Variants in PSG11 observed in about 807,000 individuals in gnomAD.
PSG11 encodes the protein pregnancy specific beta-1-glycoprotein 11.
A neutral mutation model predicts 36.0 loss-of-function variants in PSG11; 42 were observed. The observed-to-expected ratio is 1.17, with a 90% confidence interval of 0.91 to 1.51. The LOEUF (loss-of-function observed/expected upper bound fraction) is 1.51, where lower values mean the gene tolerates loss of function less well. PSG11 is among the 40% of genes most tolerant of loss of function. The pLI is 0.00. For missense variants in PSG11, 558 were observed against 403.5 expected (o/e 1.38, Z -3.28); for synonymous variants, 206 against 153.5 (o/e 1.34, Z -2.53).
chr19:43,021,066 A>G (rs1967090283), intron 2 of PSG11, among the ~76,000 whole-genome samples: 1 of 151,292 alleles, frequency 6.6e-6, no homozygotes, highest in Admixed American at 6.6e-5. Flanking sequence ...ATCAGATAGC[A>G]CCCACCTGGC....
In PSG11 at chr19:43,011,019, A is replaced by T. The variant is rs1354213555; in HGVS notation, c.965-978T>A. Among the ~76,000 whole-genome samples the T allele has an allele frequency of 2.0e-5, 3 of 150,850 alleles. 1 individual carries two copies. The highest frequency in any genetic ancestry group is 4.4e-5 in the Non-Finnish European group (3 of 67,816). ...TCCACACAATAACCCTGTGAGGTAG[A>T]CATTATTTCCATTTTGCCAATGAAA... On this transcript the variant is annotated intron_variant, in intron 4 of 5. Transcript: ENST00000320078.
chr19:43,023,450 G>A lies in PSG11; in HGVS notation c.430+1241C>T, dbSNP rs1029101604. Among the ~76,000 whole-genome samples, 8 of 151,078 alleles carry A rather than the reference G, an allele frequency of 5.3e-5. 1 individual carries two copies. The highest frequency in any genetic ancestry group is 2.1e-4 in the South Asian group (1 of 4,738). The stretch of plus-strand genomic sequence containing the variant: ...ACATGGACACTTTGGGAAACACAGA[G>A]TTTCAGGTTCAGTGATGGGGGTTAA... On this transcript the variant is annotated intron_variant, in intron 2 of 5. Coordinates refer to ENST00000320078, the MANE Select transcript of PSG11 (RefSeq NM_002785.3).
chr19:43,012,412 A>G (rs1401525855), intron 4 of PSG11, among the ~76,000 whole-genome samples: 1 of 151,486 alleles, frequency 6.6e-6, no homozygotes, highest in African/African-American at 2.4e-5. Context: ...GGTGGAACAA[A>G]CTTATTAGAA....
intron 2 of PSG11, among the ~76,000 whole-genome samples, chr19:43,024,245 C>T (rs528833793): frequency 1.3e-5 from 2 of 151,498 alleles, no homozygotes; most frequent in African/African-American, 2.4e-5. Context: ...CACAACCCAG[C>T]CCTGGAACAG....
chr19:43,019,010 T>G lies in PSG11; in HGVS notation c.469A>C (p.Asn157His). 6.2e-7 allele frequency: 1 copy of G among 1,611,944 alleles called. No individual in the cohort carries two copies. The highest frequency in any genetic ancestry group is 8.5e-7 in the Non-Finnish European group (1 of 1,179,080). Reference sequence around the variant, plus strand: ...ACAGTCTCCATGGCCTCCCTGGGGTTTAAGTTGCTGCTGGAGATGGAGGGC... The same window carrying G: ...ACAGTCTCCATGGCCTCCCTGGGGTGTAAGTTGCTGCTGGAGATGGAGGGC... Reference protein sequence around the residue: ...PKPSISSSNLNPREAMETVIL... With the variant: ...PKPSISSSNLHPREAMETVIL... Residue 157 changes from asparagine (N) to histidine (H), a missense_variant, in exon 3 of 6, where the codon AAC becomes CAC. Coordinates refer to ENST00000320078, the MANE Select transcript of PSG11 (RefSeq NM_002785.3).
At chr19:43,019,827 G>A (rs1410740266) in intron 2 of PSG11, 1 of 151,552 alleles carries the variant, frequency 6.6e-6, no homozygotes, top group African/African-American at 2.4e-5. Flanking sequence ...AGGACCATGT[G>A]GATCTTTCTG....
In PSG11 at chr19:43,012,468, C is replaced by T. The variant is rs185115227; in HGVS notation, c.965-2427G>A. ...TGTTGCACAATACAAAATCAACATT[C>T]AAACATCAGTTGTATTTCAATACAC... On this transcript the variant is annotated intron_variant, in intron 4 of 5. Transcript: ENST00000320078. 2.4e-3 allele frequency among the ~76,000 whole-genome samples: 366 copies of T among 151,346 alleles called. 3 individuals are homozygous for T. The highest frequency in any genetic ancestry group is 8.8e-3 in the African/African-American group (361 of 41,114).
chr19:43,017,292 A>G (rs892905409), intron 3 of PSG11: 1 of 151,588 alleles, frequency 6.6e-6, no homozygotes, highest in Non-Finnish European at 1.5e-5. Flanking sequence ...CTGGTTTAGC[A>G]TCCCAAATCT....
intron 3 of PSG11, chr19:43,016,105 T>A: frequency 2.6e-6 from 4 of 1,549,378 alleles, no homozygotes; most frequent in Non-Finnish European, 3.5e-6. Context: ...TCCACAGGCA[T>A]CCTTCAATCA....
At chr19:43,022,832 T>G (rs921157802) in intron 2 of PSG11, among the ~76,000 whole-genome samples, 2 of 150,724 alleles carry the variant, frequency 1.3e-5, no homozygotes, top group African/African-American at 4.9e-5. Context: ...TTCTGCACCT[T>G]TCCTATTTCC....
chr19:43,015,510 T>C (rs1313364292), intron 3 of PSG11, 140 bp from the exon 4 acceptor site: 3 of 1,338,774 alleles, frequency 2.2e-6, no homozygotes, highest in African/African-American at 3.0e-5. Context: ...TTCACTGAGC[T>C]GAAGCCTGAA....
intron 2 of PSG11, among the ~76,000 whole-genome samples, chr19:43,024,249 G>A (rs999499308): frequency 4.0e-5 from 6 of 151,300 alleles, no homozygotes; most frequent in African/African-American, 1.2e-4. Context: ...ACCCAGCCCT[G>A]GAACAGGCTC....
rs1238127855 is a variant in PSG11 at position 43,024,503 on chromosome 19, C to T, written c.430+188G>A. 4.4e-5 allele frequency: 49 copies of T among 1,110,104 alleles called. 1 individual carries two copies. The highest frequency in any genetic ancestry group is 8.9e-5 in the South Asian group (6 of 67,104). 68.8% of individuals were successfully genotyped at this position (1,110,104 alleles called of 1,614,324 possible). A position where few individuals can be genotyped will look rare whatever the true frequency, so the allele number is the denominator to read the frequency against. Reference sequence around the variant, plus strand: ...AGCGAGTGTCTGCAGGGTCTGGATGCGGGAAAGGAATTCTGATCTGTTGAA... The same window carrying T: ...AGCGAGTGTCTGCAGGGTCTGGATGTGGGAAAGGAATTCTGATCTGTTGAA... On this transcript the variant is annotated intron_variant, in intron 2 of 5. Coordinates refer to ENST00000320078, the MANE Select transcript of PSG11 (RefSeq NM_002785.3).
Position 43,024,838 on chromosome 19 carries a change from A to T in PSG11, c.283T>A (p.Tyr95Asn). The T allele has an allele frequency of 6.2e-7, 1 of 1,612,002 alleles. No individual in the cohort carries two copies. The highest frequency in any genetic ancestry group is 8.5e-7 in the Non-Finnish European group (1 of 1,179,116). ...DGQIIIYGPAYSGRETVYSNA... is the reference protein window; with the variant it reads ...DGQIIIYGPANSGRETVYSNA... ...GAATATACTGTTTCTCGTCCACTGT[A>T]TGCCGGTCCATATATAATTATTTGA... The change falls in exon 2 of 6, where the codon TAC becomes AAC. Residue 95 changes from tyrosine to asparagine, a missense_variant. Tyr to Asn is a moderately radical substitution (Grantham distance 143). Coordinates refer to ENST00000320078, the MANE Select transcript of PSG11 (RefSeq NM_002785.3).
chr19:43,008,700 A>G (rs1459178580), intron 5 of PSG11, among the ~76,000 whole-genome samples: 7 of 151,244 alleles, frequency 4.6e-5, no homozygotes, highest in Non-Finnish European at 1.0e-4. Context: ...TTTTCCATTC[A>G]GCTTCTGTTT....
rs763118095 is a variant in PSG11 at position 43,009,993 on chromosome 19, G to A, written c.*5C>T. The A allele has an allele frequency of 1.6e-5, 26 of 1,606,358 alleles. 3 individuals carry two copies. The South Asian group carries it at 1.8e-4, about 11-fold the overall frequency. ...TCCTGAAATACAAAAATGACATCAC[G>A]GCTGCTACGTTGGATTATTGAAAGC... On this transcript the variant is annotated 3_prime_UTR_variant, in exon 5 of 6. Transcript: ENST00000320078.
rs1254876366 is a variant in PSG11 at position 43,010,004 on chromosome 19, T to G, written c.1002A>C (p.Pro334=). Residue 334 remains proline (P), a synonymous_variant, in exon 5 of 6, where the codon CCA becomes CCC. Coordinates refer to ENST00000320078, the MANE Select transcript of PSG11 (RefSeq NM_002785.3). The part of the protein sequence containing the change: ...PGLGTFAFNN[P]T Reference sequence around the variant, plus strand: ...AAAAATGACATCACGGCTGCTACGTTGGATTATTGAAAGCAAAAGTTCCTA... The same window carrying G: ...AAAAATGACATCACGGCTGCTACGTGGGATTATTGAAAGCAAAAGTTCCTA... 6.2e-7 allele frequency: 1 copy of G among 1,608,810 alleles called. No homozygotes were observed. Among genetic ancestry groups the G allele is most frequent in the South Asian group, 1.1e-5 (1 of 90,700 alleles).
rs1345263290 is a variant in PSG11, at chr19:43,009,930, A to C, written c.*40+28T>G. On this transcript the variant is annotated intron_variant, in intron 5 of 5. Coordinates refer to ENST00000320078, the MANE Select transcript of PSG11 (RefSeq NM_002785.3). ...AAGCATGGCAGTCAGCCCTGCAGGAACCAGGATAAGAGAAAAGGTCATCAT... is the reference window on the plus strand; with the variant it reads ...AAGCATGGCAGTCAGCCCTGCAGGACCCAGGATAAGAGAAAAGGTCATCAT... 31 of 1,500,828 alleles carry C rather than the reference A, an allele frequency of 2.1e-5. 1 individual carries two copies. Among genetic ancestry groups the C allele is most frequent in the Non-Finnish European group, 2.5e-5 (27 of 1,079,282 alleles). 93.0% of individuals were successfully genotyped at this position (1,500,828 alleles called of 1,614,324 possible). A position where few individuals can be genotyped will look rare whatever the true frequency, so the allele number is the denominator to read the frequency against.
intron 3 of PSG11, chr19:43,015,709 G>A (rs1966946331): frequency 1.9e-6 from 3 of 1,596,984 alleles, no homozygotes; most frequent in Admixed American, 1.7e-5. Context: ...TGAGAGGCCT[G>A]GCCCCTGGTC....
Sources: allele counts gnomAD v4.1 joint callset (sites outside exome capture counted in the v4.1 genomes callset), GRCh38; gene constraint gnomAD v4.1.1; transcripts MANE v1.5; gene names NCBI Gene and HGNC (gene_info 2026-07-23, HGNC 2026-07-21).